The following MXI1 variants were observed in gnomAD, a reference collection of about 807,000 sequenced individuals.
The protein encoded by MXI1 is max-interacting protein 1.
Under a neutral mutation model 36.9 loss-of-function variants are expected in MXI1, and 18 were observed. The observed-to-expected ratio is 0.49, with a 90% CI of 0.34 to 0.72. The LOEUF (loss-of-function observed/expected upper bound fraction) is 0.72. Among genes scored for constraint, MXI1 ranks in the 30% least tolerant of loss-of-function variants. The pLI, the probability that MXI1 is intolerant of heterozygous loss-of-function variation, is 0.01. For missense variants in MXI1, 304 were observed against 379.1 expected, an observed-to-expected ratio of 0.80 and a Z score of 1.64; for synonymous variants, 160 against 146.7, an observed-to-expected ratio of 1.09 and a Z score of -0.65.
chr10:110,232,768 T>A (rs964357245), intron 2 of MXI1, among the ~76,000 whole-genome samples: 1 of 152,230 alleles, frequency 6.6e-6, no homozygotes, highest in Admixed American at 6.5e-5. Context: ...ATAAAACCCC[T>A]GTTTTGGCAA....
chr10:110,284,273 C>T (rs933967836), intron 5 of MXI1, among the ~76,000 whole-genome samples: 23 of 152,072 alleles, frequency 1.5e-4, no homozygotes, highest in African/African-American at 5.5e-4. Context: ...AAGACATATA[C>T]CTCAAACTCT....
chr10:110,283,298 C>T (rs964476771), intron 5 of MXI1, among the ~76,000 whole-genome samples: 3 of 149,346 alleles, frequency 2.0e-5, no homozygotes, highest in South Asian at 2.1e-4. Context: ...GTGTCTCGCT[C>T]TGTCGCCTAG....
intron 1 of MXI1, among the ~76,000 whole-genome samples, chr10:110,213,364 A>T (rs1854554581): frequency 6.6e-6 from 1 of 152,220 alleles, no homozygotes; most frequent in Admixed American, 6.5e-5. Flanking sequence ...CTATGTGCAG[A>T]TGCTTCTTTC....
intron 3 of MXI1, among the ~76,000 whole-genome samples, chr10:110,254,573 A>G (rs74749598): frequency 0.029 from 4,460 of 152,300 alleles, 236 homozygotes; most frequent in African/African-American, 0.1. Flanking sequence ...ACTGAAAGCT[A>G]GATCTCTTGT....
intron 2 of MXI1, among the ~76,000 whole-genome samples, chr10:110,232,811 A>G (rs1279694505): frequency 1.3e-5 from 2 of 152,232 alleles, no homozygotes; most frequent in Non-Finnish European, 2.9e-5. Context: ...AGGGATGTTA[A>G]TGATACATTT....
At chr10:110,210,639 C>T (rs1854487948) in intron 1 of MXI1, among the ~76,000 whole-genome samples, 2 of 152,346 alleles carry the variant, frequency 1.3e-5, no homozygotes, top group South Asian at 4.1e-4. Flanking sequence ...TTTATCCCAC[C>T]CCCTCTCCTC....
chr10:110,274,087 C>T (rs1856949080), intron 3 of MXI1, among the ~76,000 whole-genome samples: 1 of 152,134 alleles, frequency 6.6e-6, no homozygotes, highest in South Asian at 2.1e-4. Flanking sequence ...ATACCAAAAT[C>T]ATTTCCCTTC....
chr10:110,276,997 C>T (rs751926579), intron 3 of MXI1, among the ~76,000 whole-genome samples: 1 of 152,034 alleles, frequency 6.6e-6, no homozygotes, highest in Non-Finnish European at 1.5e-5. Flanking sequence ...AGGCGTGCAC[C>T]ACCATGCGCA....
Position 110,285,169 on chromosome 10 carries a change from G to C in MXI1, c.*182G>C, listed in dbSNP as rs1377786532. On this transcript the variant is annotated 3_prime_UTR_variant, in exon 6 of 6. Coordinates refer to ENST00000332674, the MANE Select transcript of MXI1 (RefSeq NM_130439.3). ...TAAGCAAATACTTAGCAAAAAGTGG[G>C]GCAGAGCCTCCCAAGGAGAACAAAT... 1 of 467,524 alleles carries C rather than the reference G, an allele frequency of 2.1e-6. No homozygotes were observed. Among genetic ancestry groups the C allele is most frequent in the African/African-American group, 2.0e-5 (1 of 49,488 alleles). The allele number at this position is 467,524 out of a possible 1,614,324, so 29.0% of individuals were successfully genotyped here. A position where few individuals can be genotyped will look rare whatever the true frequency, so the allele number is the denominator to read the frequency against.
At chr10:110,214,971 A>G (rs537718312) in intron 1 of MXI1, among the ~76,000 whole-genome samples, 2 of 150,424 alleles carry the variant, frequency 1.3e-5, no homozygotes, top group Non-Finnish European at 3.0e-5. Context: ...GGAGCTTTAT[A>G]GTAATATGGC....
At position 110,264,962 on chromosome 10, in the gene MXI1, C is replaced by T. The variant is rs376004485; in HGVS notation, c.438-14218C>T. ...TTTTTTTTTTTCAAATGGTGGTCCT[C>T]GATGGAGAAATGTTTTCTAGAAATG... On this transcript the variant is annotated intron_variant, in intron 3 of 5. Coordinates refer to ENST00000332674, the MANE Select transcript of MXI1 (RefSeq NM_130439.3). Among the ~76,000 whole-genome samples the T allele has an allele frequency of 3.9e-3, 590 of 151,400 alleles. 7 individuals are homozygous for T. The highest frequency in any genetic ancestry group is 0.013 in the African/African-American group (552 of 41,232).
chr10:110,280,459 T>A (rs1301911090), intron 5 of MXI1, among the ~76,000 whole-genome samples: 1 of 151,910 alleles, frequency 6.6e-6, no homozygotes, highest in Admixed American at 6.6e-5. Flanking sequence ...GGCGGGCAGA[T>A]CACAAGGTCA....
At chr10:110,225,740 C>A (rs1854937912) in intron 1 of MXI1, among the ~76,000 whole-genome samples, 1 of 152,148 alleles carries the variant, frequency 6.6e-6, no homozygotes, top group African/African-American at 2.4e-5. Flanking sequence ...AAAAAAAATT[C>A]TTCCCTCCCA....
chr10:110,267,845 A>G (rs1171133768), intron 3 of MXI1, among the ~76,000 whole-genome samples: 7 of 152,356 alleles, frequency 4.6e-5, no homozygotes, highest in Admixed American at 3.3e-4. Flanking sequence ...TGTTCAAGAA[A>G]TATTGATATT....
intron 1 of MXI1, among the ~76,000 whole-genome samples, chr10:110,220,848 C>T (rs1452301020): frequency 1.3e-5 from 2 of 152,196 alleles, no homozygotes; most frequent in South Asian, 2.1e-4. Flanking sequence ...AATAACACAC[C>T]GTGGCTGACC....
intron 3 of MXI1, among the ~76,000 whole-genome samples, chr10:110,252,504 T>C (rs974773721): frequency 1.3e-5 from 2 of 152,158 alleles, no homozygotes; most frequent in African/African-American, 4.8e-5. Context: ...TTCTTCATCA[T>C]TATTTAGTTC....
intron 1 of MXI1, among the ~76,000 whole-genome samples, chr10:110,215,032 TTTTTTTTTTTG>T (rs567963431): frequency 0.23 from 26,512 of 115,668 alleles, 3,549 homozygotes; most frequent in African/African-American, 0.43. Context: ...TCCACTTCAG[TTTTTTTTTTTG>T]TTTTTTTTTT....
At chr10:110,263,241 A>C (rs1376693690) in intron 3 of MXI1, among the ~76,000 whole-genome samples, 3 of 152,158 alleles carry the variant, frequency 2.0e-5, no homozygotes, top group Non-Finnish European at 4.4e-5. Context: ...CGAGATAGAA[A>C]ATATTTTAGG....
chr10:110,281,984 G>T (rs1025399424), intron 5 of MXI1, among the ~76,000 whole-genome samples: 1 of 152,048 alleles, frequency 6.6e-6, no homozygotes, highest in Non-Finnish European at 1.5e-5. Flanking sequence ...TTTTCTAATT[G>T]TGTCATTCCT....
Sources: allele counts gnomAD v4.1 joint callset (sites outside exome capture counted in the v4.1 genomes callset), GRCh38; gene constraint gnomAD v4.1.1; transcripts MANE v1.5; gene names NCBI Gene and HGNC (gene_info 2026-07-23, HGNC 2026-07-21).